Variants in ROBO2 observed in about 807,000 individuals in gnomAD.
The protein encoded by ROBO2 is roundabout guidance receptor 2.
ROBO2 carries 53 observed loss-of-function variants against 160.8 expected under a neutral mutation model. The ratio of observed to expected loss-of-function variants is 0.33; its 90% confidence interval spans 0.26 to 0.41. The LOEUF (loss-of-function observed/expected upper bound fraction) is 0.41, where lower values mean the gene tolerates loss of function less well. Ranked by LOEUF, ROBO2 falls within the 10% of genes least tolerant of loss-of-function variation. The pLI is 1.00. For synonymous variants in ROBO2, 664 were observed against 611.7 expected (o/e 1.09, Z -1.26); for missense variants, 1,577 against 1,722.4 (o/e 0.92, Z 1.49).
At chr3:76,624,638 A>C (rs2109330112) in intron 2 of ROBO2, among the ~76,000 whole-genome samples, 1 of 151,826 alleles carries the variant, frequency 6.6e-6, no homozygotes, top group South Asian at 2.1e-4. Context: ...GTCTCTACTA[A>C]AAATACAAAA....
At chr3:76,642,660 C>T (rs1271144886) in intron 2 of ROBO2, among the ~76,000 whole-genome samples, 3 of 151,830 alleles carry the variant, frequency 2.0e-5, no homozygotes, top group African/African-American at 4.8e-5. Context: ...CCTACACCTG[C>T]TCTTAATTGT....
At chr3:76,221,630 C>T (rs749906006) in intron 2 of ROBO2, among the ~76,000 whole-genome samples, 4 of 152,172 alleles carry the variant, frequency 2.6e-5, no homozygotes, top group East Asian at 1.9e-4. Context: ...TAAGGTATTG[C>T]GATCTAGCTG....
intron 2 of ROBO2, among the ~76,000 whole-genome samples, chr3:76,157,104 AT>A (rs1388467895): frequency 2.0e-5 from 3 of 152,186 alleles, no homozygotes; most frequent in African/African-American, 7.2e-5. Context: ...AGGAATGGTC[AT>A]TTTTCCTGGC....
chr3:76,813,407 C>A (rs999967218), intron 2 of ROBO2, among the ~76,000 whole-genome samples: 1 of 151,918 alleles, frequency 6.6e-6, no homozygotes, highest in Admixed American at 6.6e-5. Context: ...TTTTGCCCAT[C>A]GTTTTTGTCA....
chr3:76,029,691 T>C (rs1332767036), intron 2 of ROBO2, among the ~76,000 whole-genome samples: 5 of 152,168 alleles, frequency 3.3e-5, no homozygotes, highest in Admixed American at 6.5e-5. Context: ...ACAAAGGACA[T>C]GAACTAATCC....
At chr3:76,805,689 T>A (rs1369172633) in intron 2 of ROBO2, among the ~76,000 whole-genome samples, 1 of 151,804 alleles carries the variant, frequency 6.6e-6, no homozygotes, top group Non-Finnish European at 1.5e-5. Flanking sequence ...TGTGTGTGTG[T>A]GTGTGTGTGA....
At position 77,478,169 on chromosome 3, in the gene ROBO2, C is replaced by T. The variant is rs6774987; in HGVS notation, c.546+598C>T. Among the ~76,000 whole-genome samples the T allele has an allele frequency of 3.9e-3, 600 of 152,252 alleles. 5 individuals are homozygous for T. The highest frequency in any genetic ancestry group is 0.014 in the African/African-American group (562 of 41,544). ...AAAATCTCCAGAAGCTTCTGTTGAT[C>T]ATGCAGTACCTGAGTGTTAAAGTAT... is the stretch of plus-strand genomic sequence containing the variant. On this transcript the variant is annotated intron_variant, in intron 3 of 25. Coordinates refer to ENST00000461745, the Ensembl canonical transcript of ROBO2.
At chr3:76,001,796 T>C (rs2107566789) in intron 2 of ROBO2, among the ~76,000 whole-genome samples, 1 of 152,246 alleles carries the variant, frequency 6.6e-6, no homozygotes, top group Non-Finnish European at 1.5e-5. Flanking sequence ...CTGGTCTCCC[T>C]AGCCTCCCAA....
At chr3:77,471,907 T>C (rs1255866035) in intron 2 of ROBO2, among the ~76,000 whole-genome samples, 1 of 152,128 alleles carries the variant, frequency 6.6e-6, no homozygotes, top group Non-Finnish European at 1.5e-5. Flanking sequence ...CTCTGGTCTT[T>C]CCTCCTGCAG....
intron 12 of ROBO2, among the ~76,000 whole-genome samples, chr3:77,567,145 G>A (rs759896417): frequency 1.3e-5 from 2 of 151,280 alleles, no homozygotes; most frequent in Admixed American, 6.6e-5. Context: ...AATTATTTAC[G>A]ACCCAATTTA....
At chr3:76,003,953 A>C (rs1054489189) in intron 2 of ROBO2, among the ~76,000 whole-genome samples, 7 of 152,236 alleles carry the variant, frequency 4.6e-5, no homozygotes, top group Admixed American at 4.6e-4. Flanking sequence ...GAGGATATGT[A>C]GAAACTTCAA....
At chr3:75,982,286 C>A (rs1047549884) in intron 2 of ROBO2, among the ~76,000 whole-genome samples, 1 of 151,216 alleles carries the variant, frequency 6.6e-6, no homozygotes, top group African/African-American at 2.4e-5. Flanking sequence ...TTGGTATATA[C>A]TTAGCAGTGG....
At chr3:76,888,007 C>T (rs1231994373) in intron 2 of ROBO2, among the ~76,000 whole-genome samples, 4 of 152,094 alleles carry the variant, frequency 2.6e-5, no homozygotes, top group Non-Finnish European at 5.9e-5. Flanking sequence ...TACCTACATT[C>T]GAATTAAGTT....
At position 76,234,715 on chromosome 3, in the gene ROBO2, T is replaced by G. The variant is rs1704834155; in HGVS notation, c.109+297113T>G. On this transcript the variant is annotated intron_variant, in intron 2 of 26. Coordinates refer to the ROBO2 transcript ENST00000487694. ...ATGTCTTTGGTCAGTCTATTTCAAA[T>G]TTATGTATATTTGCCTTTACTACCA... Among the ~76,000 whole-genome samples the G allele has an allele frequency of 1.3e-5, 2 of 152,214 alleles. 1 individual carries two copies. The highest frequency in any genetic ancestry group is 4.1e-4 in the South Asian group (2 of 4,836).
intron 2 of ROBO2, among the ~76,000 whole-genome samples, chr3:77,373,156 TTA>T (rs1189771856): frequency 6.8e-6 from 1 of 146,940 alleles, no homozygotes; most frequent in Non-Finnish European, 1.5e-5. Flanking sequence ...TATTATAAAA[TTA>T]TTATTAAAAT....
At chr3:76,275,521 T>C in intron 2 of ROBO2, among the ~76,000 whole-genome samples, 1 of 152,176 alleles carries the variant, frequency 6.6e-6, no homozygotes, top group Middle Eastern at 3.2e-3. Flanking sequence ...CATTTCACTC[T>C]GTGACTATTT....
intron 2 of ROBO2, among the ~76,000 whole-genome samples, chr3:75,955,549 G>T (rs1206665083): frequency 6.6e-6 from 1 of 151,266 alleles, no homozygotes; most frequent in Non-Finnish European, 1.5e-5. Context: ...CGAGTTAATG[G>T]GTGCAGCACA....
chr3:77,446,508 A>G (rs1268390604), intron 2 of ROBO2, among the ~76,000 whole-genome samples: 1 of 152,078 alleles, frequency 6.6e-6, no homozygotes, highest in Admixed American at 6.5e-5. Flanking sequence ...GTATATATCC[A>G]TATTGTTTTC....
At chr3:76,908,675 G>A (rs1359473209) in intron 2 of ROBO2, among the ~76,000 whole-genome samples, 1 of 152,028 alleles carries the variant, frequency 6.6e-6, no homozygotes, top group Non-Finnish European at 1.5e-5. Context: ...GGTTACTTTT[G>A]GAAATAAAGA....
Sources: gnomAD v4.1 joint callset for allele counts (sites outside exome capture counted in the v4.1 genomes callset) on GRCh38, gnomAD v4.1.1 for gene constraint, MANE v1.5 for transcripts, NCBI Gene and HGNC (gene_info 2026-07-23, HGNC 2026-07-21) for gene names.